The following IMMP2L variants were observed in gnomAD, a reference collection of about 807,000 sequenced individuals.
IMMP2L encodes mitochondrial inner membrane protease subunit 2.
In IMMP2L, 18 loss-of-function variants were observed where a neutral mutation model predicts 19.3. The ratio of observed to expected loss-of-function variants is 0.93; its 90% CI spans 0.64 to 1.38. The LOEUF (loss-of-function observed/expected upper bound fraction) is 1.38, where lower values mean the gene tolerates loss of function less well. Among genes scored for constraint, IMMP2L ranks in the 40% most tolerant of loss-of-function variants. The probability of loss-of-function intolerance (pLI) is 0.00; values close to 1 mark genes in which losing one functional copy is unlikely to be tolerated. For synonymous variants in IMMP2L, 76 were observed against 73.0 expected (o/e 1.04, Z -0.21); for missense variants, 233 against 218.2 (o/e 1.07, Z -0.43).
At chr7:110,741,220 T>C (rs1184442366) in intron 5 of IMMP2L, among the ~76,000 whole-genome samples, 3 of 152,234 alleles carry the variant, frequency 2.0e-5, no homozygotes, top group South Asian at 2.1e-4. Flanking sequence ...TTCTAAGTAA[T>C]TCAGGAATGG....
In IMMP2L at chr7:110,898,385, G is replaced by T. The variant is rs1034716589; in HGVS notation, c.306-11690C>A. On this transcript the variant is annotated intron_variant, in intron 4 of 5. Transcript: ENST00000405709. ...GAACAGAGGATGAATCAAGTTCATG[G>T]AAATATCCTTCATTTTGCCGTTGCT... is the stretch of plus-strand genomic sequence containing the variant. 2.0e-5 allele frequency among the ~76,000 whole-genome samples: 3 copies of T among 152,086 alleles called. No individual in the cohort carries two copies. The East Asian group carries it at 5.8e-4, about 29-fold the overall frequency.
intron 3 of IMMP2L, among the ~76,000 whole-genome samples, chr7:111,328,081 T>C (rs1013204995): frequency 4.6e-5 from 7 of 151,812 alleles, no homozygotes; most frequent in African/African-American, 1.7e-4. Context: ...TCAGTCATAA[T>C]AGAACTAATG....
At chr7:111,494,351 G>A (rs1020701446) in intron 2 of IMMP2L, among the ~76,000 whole-genome samples, 11 of 152,124 alleles carry the variant, frequency 7.2e-5, no homozygotes, top group Non-Finnish European at 1.6e-4. Context: ...TCTGGACTGA[G>A]TAAGAAAGAC....
At chr7:111,035,760 T>G (rs1791281033) in intron 3 of IMMP2L, among the ~76,000 whole-genome samples, 1 of 152,134 alleles carries the variant, frequency 6.6e-6, no homozygotes, top group Non-Finnish European at 1.5e-5. Flanking sequence ...TTTTAAAAAA[T>G]TATCATTGGA....
chr7:111,230,823 C>G (rs951884952), intron 3 of IMMP2L, among the ~76,000 whole-genome samples: 2 of 151,886 alleles, frequency 1.3e-5, no homozygotes, highest in African/African-American at 4.8e-5. Flanking sequence ...AAAGGAAGCA[C>G]AGATATGGGA....
intron 5 of IMMP2L, among the ~76,000 whole-genome samples, chr7:110,739,572 A>G (rs1796860457): frequency 6.6e-6 from 1 of 152,128 alleles, no homozygotes; most frequent in South Asian, 2.1e-4. Context: ...AACAATTACT[A>G]CTAGACCTAG....
At chr7:111,132,481 A>G (rs1031162103) in intron 3 of IMMP2L, among the ~76,000 whole-genome samples, 6 of 151,990 alleles carry the variant, frequency 3.9e-5, no homozygotes, top group African/African-American at 1.4e-4. Context: ...TCTCTTCAAC[A>G]TTTTCATCCT....
chr7:111,342,496 G>A (rs1248342524), intron 3 of IMMP2L, among the ~76,000 whole-genome samples: 2 of 151,976 alleles, frequency 1.3e-5, no homozygotes, highest in Non-Finnish European at 2.9e-5. Context: ...GGAGGCTGAG[G>A]TAGGAGAATC....
chr7:111,535,514 C>T (rs1002875606), intron 1 of IMMP2L, among the ~76,000 whole-genome samples: 1 of 152,042 alleles, frequency 6.6e-6, no homozygotes. Context: ...TTTGCCCCAT[C>T]GGACACTTAA....
chr7:110,894,168 C>G (rs1811093123), intron 4 of IMMP2L, among the ~76,000 whole-genome samples: 1 of 152,172 alleles, frequency 6.6e-6, no homozygotes, highest in South Asian at 2.1e-4. Flanking sequence ...CTTTAAAAGC[C>G]CCTGCCTTCT....
rs1366437619 is a variant in IMMP2L, at chr7:111,505,349, A to C, written c.135+15964T>G. ...ACAGGTGCTGGAGAGGATGTGGAGA[A>C]ATAGGAACACTTTTACACTGTTGGT... On this transcript the variant is annotated intron_variant, in intron 2 of 5. Coordinates refer to ENST00000405709, the MANE Select transcript of IMMP2L (RefSeq NM_032549.4). Among the ~76,000 whole-genome samples the C allele has an allele frequency of 3.3e-5, 5 of 151,494 alleles. No homozygotes were observed. The South Asian group carries it at 8.4e-4, about 25-fold the overall frequency.
At position 110,849,376 on chromosome 7, in the gene IMMP2L, C is replaced by T. The variant is rs112261067; in HGVS notation, c.408+37217G>A. ...ATCTGTCTGTACTTTTAAAACAATA[C>T]ATGTCTACGAAATCAAAAGTCAAAT... On this transcript the variant is annotated intron_variant, in intron 5 of 5. Coordinates refer to ENST00000405709, the MANE Select transcript of IMMP2L (RefSeq NM_032549.4). Among the ~76,000 whole-genome samples the T allele has an allele frequency of 4.3e-4, 65 of 152,190 alleles. 1 individual carries two copies. Among genetic ancestry groups the T allele is most frequent in the African/African-American group, 1.4e-3 (59 of 41,558 alleles).
Position 111,242,405 on chromosome 7 carries a change from T to G in IMMP2L, c.239+244833A>C, listed in dbSNP as rs551545460. Among the ~76,000 whole-genome samples the G allele has an allele frequency of 1.3e-5, 2 of 152,136 alleles. 1 individual carries two copies. The highest frequency in any genetic ancestry group is 4.1e-4 in the South Asian group (2 of 4,830). On this transcript the variant is annotated intron_variant, in intron 3 of 5. Coordinates refer to ENST00000405709, the MANE Select transcript of IMMP2L (RefSeq NM_032549.4). ...TTGATTCAACTAAACAATAAATGAA[T>G]CTGCCTTTCATAGCTCCAACTCCAG...
At chr7:110,999,587 T>C (rs1327988093) in intron 3 of IMMP2L, among the ~76,000 whole-genome samples, 1 of 151,096 alleles carries the variant, frequency 6.6e-6, no homozygotes, top group Non-Finnish European at 1.5e-5. Flanking sequence ...TCTCAAACAC[T>C]TCTAAATATT....
intron 3 of IMMP2L, among the ~76,000 whole-genome samples, chr7:111,385,826 T>C (rs1307231685): frequency 3.9e-5 from 6 of 152,068 alleles, no homozygotes; most frequent in Non-Finnish European, 7.4e-5. Context: ...TACATCTCAA[T>C]TAATTATCCA....
chr7:111,511,509 C>T (rs1845438341), intron 2 of IMMP2L, among the ~76,000 whole-genome samples: 1 of 151,890 alleles, frequency 6.6e-6, no homozygotes, highest in South Asian at 2.1e-4. Flanking sequence ...ATTAGCCAGG[C>T]ATGGTGGTGC....
At chr7:111,109,053 T>C (rs1299587210) in intron 3 of IMMP2L, among the ~76,000 whole-genome samples, 2 of 152,178 alleles carry the variant, frequency 1.3e-5, no homozygotes, top group African/African-American at 4.8e-5. Flanking sequence ...CAGTCTTAAA[T>C]GATCTATAAA....
chr7:111,083,604 G>A (rs529124985), intron 3 of IMMP2L, among the ~76,000 whole-genome samples: 55 of 152,280 alleles, frequency 3.6e-4, no homozygotes, highest in African/African-American at 1.3e-3. Context: ...TTGCATTCTA[G>A]CTTTCCTTCT....
intron 4 of IMMP2L, among the ~76,000 whole-genome samples, chr7:110,923,948 G>GC (rs906025612): frequency 6.6e-6 from 1 of 152,156 alleles, no homozygotes; most frequent in Non-Finnish European, 1.5e-5. Context: ...CCCAGGAATA[G>GC]CCCCCCACTG....
Sources: allele counts gnomAD v4.1 joint callset (sites outside exome capture counted in the v4.1 genomes callset), GRCh38; gene constraint gnomAD v4.1.1; transcripts MANE v1.5; gene names NCBI Gene and HGNC (gene_info 2026-07-23, HGNC 2026-07-21).